IL1RAPL1: variants seen among roughly 807,000 people sequenced by gnomAD.
IL1RAPL1 encodes interleukin-1 receptor accessory protein-like 1.
A neutral mutation model predicts 48.4 loss-of-function variants in IL1RAPL1; 3 were observed. The observed-to-expected ratio is 0.06, with a 90% CI of 0.03 to 0.16. IL1RAPL1 has a LOEUF of 0.16. Ranked by LOEUF, IL1RAPL1 falls within the 10% of genes least tolerant of loss-of-function variation. The pLI is 1.00. For missense variants in IL1RAPL1, 349 were observed against 530.6 expected (o/e 0.66, Z 3.36); for synonymous variants, 185 against 187.7 (o/e 0.99, Z 0.12).
intron 2 of IL1RAPL1, among the ~76,000 whole-genome samples, chrX:28,990,098 G>A (rs1237560129): frequency 9.0e-6 from 1 of 111,089 alleles, no homozygotes; most frequent in Non-Finnish European, 1.9e-5. Context: ...AATCTCAAAG[G>A]GTATTCTTTT....
intron 1 of IL1RAPL1, among the ~76,000 whole-genome samples, chrX:28,692,656 G>A (rs922512770): frequency 9.0e-6 from 1 of 111,678 alleles, no homozygotes; most frequent in Admixed American, 9.5e-5. Flanking sequence ...TAGTGTATAG[G>A]AAAACCTTTA....
intron 2 of IL1RAPL1, among the ~76,000 whole-genome samples, chrX:29,111,737 G>A (rs1218529352): frequency 9.0e-6 from 1 of 110,577 alleles, no homozygotes; most frequent in Non-Finnish European, 1.9e-5. Context: ...CACTTTCCTC[G>A]ATCCTTAATA....
intron 2 of IL1RAPL1, among the ~76,000 whole-genome samples, chrX:29,064,210 G>A (rs1009277838): frequency 8.9e-6 from 1 of 112,164 alleles, no homozygotes; most frequent in Non-Finnish European, 1.9e-5. Flanking sequence ...TGAGCAAGAG[G>A]TGGAAACACA....
At chrX:28,864,261 G>GT (rs1269018820) in intron 2 of IL1RAPL1, among the ~76,000 whole-genome samples, 2 of 111,612 alleles carry the variant, frequency 1.8e-5, no homozygotes, top group African/African-American at 6.5e-5. Context: ...ACTTTTTAAT[G>GT]TATCTTTTTA....
chrX:28,781,844 C>T (rs1936426875), intron 1 of IL1RAPL1, among the ~76,000 whole-genome samples: 1 of 111,409 alleles, frequency 9.0e-6, no homozygotes, highest in Admixed American at 9.6e-5. Flanking sequence ...CTAATATTCA[C>T]TCCCATCATC....
chrX:29,916,533 A>G (rs1007299078), intron 6 of IL1RAPL1, among the ~76,000 whole-genome samples: 3 of 111,461 alleles, frequency 2.7e-5, no homozygotes, highest in East Asian at 2.8e-4. Context: ...CTTTGCCCCA[A>G]TCCAGACTTA....
chrX:29,504,188 C>T (rs1935304815), intron 5 of IL1RAPL1, among the ~76,000 whole-genome samples: 1 of 110,770 alleles, frequency 9.0e-6, no homozygotes, highest in African/African-American at 3.3e-5. Context: ...CCATTGTTGT[C>T]AGAAAATATA....
chrX:29,526,749 GAC>G (rs1345016107), intron 5 of IL1RAPL1, among the ~76,000 whole-genome samples: 1 of 112,029 alleles, frequency 8.9e-6, no homozygotes, highest in Non-Finnish European at 1.9e-5. Context: ...CTTTCTGAAA[GAC>G]ACACAGAAGT....
intron 2 of IL1RAPL1, among the ~76,000 whole-genome samples, chrX:29,040,254 A>T (rs1347204657): frequency 8.9e-6 from 1 of 112,056 alleles, no homozygotes; most frequent in Non-Finnish European, 1.9e-5. Flanking sequence ...CTGCATGGGG[A>T]AAAAAGTGGT....
intron 2 of IL1RAPL1, among the ~76,000 whole-genome samples, chrX:28,994,816 C>G (rs905060401): frequency 9.0e-6 from 1 of 111,707 alleles, no homozygotes; most frequent in Non-Finnish European, 1.9e-5. Flanking sequence ...AAGCATATGG[C>G]AAATTTAATT....
chrX:29,333,979 C>T (rs1602177789), intron 3 of IL1RAPL1, among the ~76,000 whole-genome samples: 8 of 42,311 alleles, frequency 1.9e-4, no homozygotes, highest in African/African-American at 3.8e-4. Flanking sequence ...GGGGGGCTGA[C>T]CCCCCCACCT....
At position 29,554,739 on chromosome X, in the gene IL1RAPL1, A is replaced by G. The variant is rs1243683459; in HGVS notation, c.704-113691A>G. On this transcript the variant is annotated intron_variant, in intron 5 of 10. Transcript: ENST00000378993. ...TGTCCCTCTAATATACAGTTGATCC[A>G]TAATGGTGTGCCTTAAGCTTTCTTC... is the stretch of plus-strand genomic sequence containing the variant. Among the ~76,000 whole-genome samples the G allele has an allele frequency of 2.1e-4, 23 of 111,551 alleles. No homozygotes were observed. The Admixed American group carries it at 2.2e-3, about 11-fold the overall frequency.
At chrX:29,771,287 G>A (rs1428362675) in intron 6 of IL1RAPL1, among the ~76,000 whole-genome samples, 1 of 112,023 alleles carries the variant, frequency 8.9e-6, no homozygotes, top group Non-Finnish European at 1.9e-5. Context: ...AAAGGAAAAT[G>A]TTGCCATGTC....
At chrX:29,525,332 ATTGAAACTGTC>A (rs1935542184) in intron 5 of IL1RAPL1, among the ~76,000 whole-genome samples, 1 of 112,508 alleles carries the variant, frequency 8.9e-6, no homozygotes, top group Admixed American at 9.4e-5. Flanking sequence ...ACTTTCAGCC[ATTGAAACTGTC>A]TAGAAGCTGA....
At chrX:29,361,733 A>G (rs1933379608) in intron 3 of IL1RAPL1, among the ~76,000 whole-genome samples, 1 of 112,470 alleles carries the variant, frequency 8.9e-6, no homozygotes, top group African/African-American at 3.2e-5. Context: ...AGTATACAAG[A>G]CAAATATCCA....
chrX:29,002,246 A>G (rs1925872689), intron 2 of IL1RAPL1, among the ~76,000 whole-genome samples: 1 of 111,240 alleles, frequency 9.0e-6, no homozygotes, highest in African/African-American at 3.3e-5. Flanking sequence ...ACTACATGCT[A>G]TAACATGGAT....
chrX:29,119,817 G>T (rs1028014613), intron 2 of IL1RAPL1, among the ~76,000 whole-genome samples: 2 of 111,282 alleles, frequency 1.8e-5, no homozygotes, highest in Non-Finnish European at 3.8e-5. Context: ...TCAAGGAAAG[G>T]GGGAAAATAC....
chrX:29,434,024 C>T (rs774484846), intron 5 of IL1RAPL1, among the ~76,000 whole-genome samples: 37 of 109,606 alleles, frequency 3.4e-4, no homozygotes, highest in Admixed American at 1.1e-3. Context: ...ACTATGGATA[C>T]ATTAATGCAT....
chrX:29,021,674 TGC>T (rs372137540), intron 2 of IL1RAPL1, among the ~76,000 whole-genome samples: 5 of 112,203 alleles, frequency 4.5e-5, no homozygotes, highest in African/African-American at 1.6e-4. Context: ...CCTTGGATCC[TGC>T]CCTTTTCTCC....
Sources: gnomAD v4.1 joint callset for allele counts (sites outside exome capture counted in the v4.1 genomes callset) on GRCh38, gnomAD v4.1.1 for gene constraint, MANE v1.5 for transcripts, NCBI Gene and HGNC (gene_info 2026-07-23, HGNC 2026-07-21) for gene names.